SERPINA5: variants seen among roughly 807,000 people sequenced by gnomAD.
SERPINA5 encodes plasma serine protease inhibitor.
SERPINA5 carries 25 observed loss-of-function variants against 25.3 expected under a neutral mutation model. That is an observed-to-expected ratio of 0.99 (90% CI 0.72 to 1.38). The LOEUF (loss-of-function observed/expected upper bound fraction) is 1.38, where lower values mean the gene tolerates loss of function less well. Among genes scored for constraint, SERPINA5 ranks in the 40% most tolerant of loss-of-function variants. SERPINA5 has a pLI of 0.00. For missense variants in SERPINA5, 599 were observed against 509.5 expected, an observed-to-expected ratio of 1.18 and a Z score of -1.69; for synonymous variants, 234 against 206.2, an observed-to-expected ratio of 1.14 and a Z score of -1.16.
chr14:94,588,229 C>T (rs1485154449), intron 3 of SERPINA5, among the ~76,000 whole-genome samples: 1 of 152,120 alleles, frequency 6.6e-6, no homozygotes, highest in Non-Finnish European at 1.5e-5. Flanking sequence ...TGTCTTCGGG[C>T]CCCTGGGGAC....
intron 2 of SERPINA5, among the ~76,000 whole-genome samples, chr14:94,583,739 A>T (rs1884988800): frequency 6.6e-6 from 1 of 152,200 alleles, no homozygotes; most frequent in Non-Finnish European, 1.5e-5. Flanking sequence ...TTGGCCTGAG[A>T]TGACAGGTGA....
chr14:94,591,161 A>C (rs1179989177), intron 5 of SERPINA5, among the ~76,000 whole-genome samples: 3 of 111,410 alleles, frequency 2.7e-5, no homozygotes, highest in East Asian at 5.3e-4. Context: ...ACTCCATTCC[A>C]CTCCTCCACT....
intron 2 of SERPINA5, among the ~76,000 whole-genome samples, chr14:94,584,067 T>C (rs767311431): frequency 2.6e-5 from 4 of 152,118 alleles, no homozygotes; most frequent in Non-Finnish European, 5.9e-5. Flanking sequence ...TGTAGAGAAG[T>C]ATAAATGAGC....
Position 94,590,318 on chromosome 14 carries a change from T to C in SERPINA5, c.890+7T>C, listed in dbSNP as rs1468317244. On this transcript the variant is annotated splice_region_variant and intron_variant, in intron 4 of 5. Coordinates refer to ENST00000329597, the MANE Select transcript of SERPINA5 (RefSeq NM_000624.6). The stretch of plus-strand genomic sequence containing the variant: ...TTAAGATGTTCAAAAAGAGGTACTT[T>C]CAGACTACCCCAGGGCCAGCCTAAA... The C allele has an allele frequency of 3.2e-6, 5 of 1,583,300 alleles. No individual in the cohort carries two copies. The highest frequency in any genetic ancestry group is 4.3e-6 in the Non-Finnish European group (5 of 1,161,862).
intron 4 of SERPINA5, 133 bp downstream of exon 4, chr14:94,590,444 TC>T (rs1885243197): frequency 2.6e-6 from 3 of 1,137,544 alleles, no homozygotes; most frequent in Non-Finnish European, 3.6e-6. Flanking sequence ...CCCAGAGGCA[TC>T]CTGTGACATC....
intron 2 of SERPINA5, among the ~76,000 whole-genome samples, chr14:94,585,744 T>C (rs2747117): frequency 0.86 from 131,004 of 151,466 alleles, 57,179 homozygotes; most frequent in East Asian, 0.95. Flanking sequence ...TTAGCCAGCC[T>C]GGGTGCTGTC....
rs1179016009 is a variant in SERPINA5 at position 94,592,225 on chromosome 14, G to A, written c.1207G>A (p.Val403Met). 1 of 1,613,418 alleles carries A rather than the reference G, an allele frequency of 6.2e-7. No individual in the cohort carries two copies. The highest frequency in any genetic ancestry group is 2.2e-5 in the East Asian group (1 of 44,882). ...TAACAACATCCTCTTCCTTGGCAAAGTGAACCGCCCCTGAGGTGGGGCTTC... is the reference window on the plus strand; with the variant it reads ...TAACAACATCCTCTTCCTTGGCAAAATGAACCGCCCCTGAGGTGGGGCTTC... ...VDNNILFLGK[V>M]NRP The change falls in exon 6 of 6, where the codon GTG becomes ATG. Residue 403 changes from valine to methionine, a missense_variant. Physicochemically the swap from Val to Met is conservative, Grantham distance 21. Coordinates refer to ENST00000329597, the MANE Select transcript of SERPINA5 (RefSeq NM_000624.6).
Position 94,587,385 on chromosome 14 carries a change from G to A in SERPINA5, c.23G>A (p.Cys8Tyr). 6.2e-7 allele frequency: 1 copy of A among 1,611,206 alleles called. No homozygotes were observed. The highest frequency in any genetic ancestry group is 1.1e-5 in the South Asian group (1 of 90,706). Residue 8 changes from cysteine to tyrosine, a missense_variant, in exon 3 of 6, where the codon TGC becomes TAC. Transcript: ENST00000329597. ...ACCATGCAGCTCTTCCTCCTCTTGT[G>A]CCTGGTGCTTCTCAGCCCTCAGGGG... MQLFLLL[C>Y]LVLLSPQGAS...
Position 94,592,060 on chromosome 14 carries a change from G to A in SERPINA5, c.1042G>A (p.Val348Met). 1.9e-6 allele frequency: 3 copies of A among 1,612,216 alleles called. No homozygotes were observed. The highest frequency in any genetic ancestry group is 2.5e-6 in the Non-Finnish European group (3 of 1,179,022). Residue 348 changes from valine to methionine, a missense_variant, in exon 6 of 6, where the codon GTG becomes ATG. Physicochemically the swap from Val to Met is conservative, Grantham distance 21. Transcript: ENST00000329597. ...ATGCCTGGTGTCTCCCCTGCAGATG[G>A]TGCACAAAGCTGTGGTGGAGGTGGA... is the stretch of plus-strand genomic sequence containing the variant. ...NHSNIQVSEM[V>M]HKAVVEVDES...
chr14:94,585,582 T>A (rs898627162), intron 2 of SERPINA5, among the ~76,000 whole-genome samples: 2 of 152,188 alleles, frequency 1.3e-5, no homozygotes, highest in African/African-American at 4.8e-5. Context: ...GGTCACGGGA[T>A]GCTGTGACAG....
Position 94,590,099 on chromosome 14 carries a change from C to T in SERPINA5, c.678C>T (p.Thr226=), listed in dbSNP as rs764703634. 1.9e-6 allele frequency: 3 copies of T among 1,613,578 alleles called. No individual in the cohort carries two copies. In the South Asian group the frequency reaches 3.3e-5, roughly 18 times the overall value. The change falls in exon 4 of 6, where the codon ACC becomes ACT. Residue 226 remains threonine, a synonymous_variant. Coordinates refer to ENST00000329597, the MANE Select transcript of SERPINA5 (RefSeq NM_000624.6). ...KGTQEQDFYV[T]SETVVRVPMM... ...CCCAAGAGCAAGACTTCTACGTGACCTCGGAGACTGTGGTGCGGGTACCCA... is the reference window on the plus strand; with the variant it reads ...CCCAAGAGCAAGACTTCTACGTGACTTCGGAGACTGTGGTGCGGGTACCCA...
At chr14:94,582,146 A>G (rs8004712) in intron 2 of SERPINA5, 44,888 of 152,054 alleles carry the variant, frequency 0.3, 6,861 homozygotes, top group South Asian at 0.34. Flanking sequence ...CTGCTCATGA[A>G]GGACAGTAAC....
Position 94,587,955 on chromosome 14 carries a change from T to A in SERPINA5, c.593T>A (p.Ile198Asn), listed in dbSNP as rs1885153549. ...AACCTCGATAGCAATGCGGTCGTGA[T>A]CATGGTGAATTACATCTTCTTTAAA... ...LKNLDSNAVV[I>N]MVNYIFFKAK... is the part of the protein sequence containing the mutation. The change falls in exon 3 of 6, where the codon ATC (isoleucine) becomes AAC (asparagine). Residue 198 changes from isoleucine to asparagine, a missense_variant. Physicochemically the swap from Ile to Asn is moderately radical, Grantham distance 149 (BLOSUM62 -3). Transcript: ENST00000329597. The A allele has an allele frequency of 1.2e-6, 2 of 1,614,002 alleles. No homozygotes were observed. The highest frequency in any genetic ancestry group is 1.7e-6 in the Non-Finnish European group (2 of 1,179,958).
rs1884917151 is a variant in SERPINA5, at chr14:94,581,495, G to A, written c.-114+5G>A. The A allele has an allele frequency of 6.6e-6, 1 of 152,354 alleles. No homozygotes were observed. The highest frequency in any genetic ancestry group is 1.5e-5 in the Non-Finnish European group (1 of 68,148). The allele number at this position is 152,354 out of a possible 1,614,324, so 9.4% of individuals were successfully genotyped here. On this transcript the variant is annotated splice_donor_5th_base_variant and intron_variant, in intron 1 of 5. Coordinates refer to ENST00000329597, the MANE Select transcript of SERPINA5 (RefSeq NM_000624.6). ...CACACTCAGCTACGGGACACAGTAA[G>A]TACCGATGCCGCAAAGGGAGGTCCC...
chr14:94,590,581 T>C lies in SERPINA5; in HGVS notation c.891-168T>C, dbSNP rs769238684. 402 of 867,632 alleles carry C rather than the reference T, an allele frequency of 4.6e-4. 1 individual carries two copies. The highest frequency in any genetic ancestry group is 6.2e-4 in the Non-Finnish European group (368 of 588,970). The allele number at this position is 867,632 out of a possible 1,614,324, so 53.7% of individuals were successfully genotyped here. A position where few individuals can be genotyped will look rare whatever the true frequency, so the allele number is the denominator to read the frequency against. ...CAAGTCCAGAGCAAGGGGAGGCTCATCCTAGAAAAGAGGCCAGAGGAGCCA... is the reference window on the plus strand; with the variant it reads ...CAAGTCCAGAGCAAGGGGAGGCTCACCCTAGAAAAGAGGCCAGAGGAGCCA... On this transcript the variant is annotated intron_variant, in intron 4 of 5. Coordinates refer to ENST00000329597, the MANE Select transcript of SERPINA5 (RefSeq NM_000624.6).
rs998050655 is a variant in SERPINA5, at chr14:94,592,144, C to T, written c.1126C>T (p.Arg376Cys). The part of the protein sequence containing the change: ...TGTIFTFRSA[R>C]LNSQRLVFNR... ...GACAATATTCACTTTCAGGTCGGCC[C>T]GCCTGAACTCTCAGAGGCTAGTGTT... Residue 376 changes from arginine to cysteine, a missense_variant, in exon 6 of 6, where the codon CGC becomes TGC. Arg to Cys is a radical substitution (Grantham distance 180). Transcript: ENST00000329597. 7.4e-6 allele frequency: 12 copies of T among 1,613,998 alleles called. No individual in the cohort carries two copies. Among genetic ancestry groups the T allele is most frequent in the Admixed American group, 1.7e-5 (1 of 59,998 alleles).
At position 94,590,291 on chromosome 14, in the gene SERPINA5, G is replaced by T. The variant is rs761069056; in HGVS notation, c.870G>T (p.Trp290Cys). ...TGAGTGAGAAAACGCTGAGGAAGTGGCTTAAGATGTTCAAAAAGAGGTACT... is the reference window on the plus strand; with the variant it reads ...TGAGTGAGAAAACGCTGAGGAAGTGTCTTAAGATGTTCAAAAAGAGGTACT... ...NGLSEKTLRK[W>C]LKMFKKRQLE... The change falls in exon 4 of 6, where the codon TGG becomes TGT. Residue 290 changes from tryptophan (W) to cysteine (C), a missense_variant. Trp to Cys is a radical substitution (Grantham distance 215). Coordinates refer to ENST00000329597, the MANE Select transcript of SERPINA5 (RefSeq NM_000624.6). 120 of 1,603,166 alleles carry T rather than the reference G, an allele frequency of 7.5e-5. No individual in the cohort carries two copies. The highest frequency in any genetic ancestry group is 7.8e-5 in the Non-Finnish European group (91 of 1,172,306).
intron 2 of SERPINA5, among the ~76,000 whole-genome samples, chr14:94,582,713 T>A (rs866355136): frequency 3.3e-5 from 5 of 152,106 alleles, no homozygotes. Context: ...GACTGCAAGC[T>A]CTTGAAGGTG....
At chr14:94,586,857 C>G (rs768994091) in intron 2 of SERPINA5, 1 of 154,272 alleles carries the variant, frequency 6.5e-6, no homozygotes, top group African/African-American at 2.4e-5. Context: ...GCAAGGCCAG[C>G]AGTGCTGATG....
Sources: gnomAD v4.1 joint callset for allele counts (sites outside exome capture counted in the v4.1 genomes callset) on GRCh38, gnomAD v4.1.1 for gene constraint, MANE v1.5 for transcripts, NCBI Gene and HGNC (gene_info 2026-07-23, HGNC 2026-07-21) for gene names.